Variants in BAZ2B observed in about 807,000 individuals in gnomAD.
The protein encoded by BAZ2B is bromodomain adjacent to zinc finger domain 2B, also known as bromodomain adjacent to zinc finger domain protein 2B.
BAZ2B carries 91 observed loss-of-function variants against 246.0 expected under a neutral mutation model. That is an observed-to-expected ratio of 0.37 (90% CI 0.31 to 0.44). The LOEUF is 0.44. BAZ2B is among the 20% of genes least tolerant of loss of function. The pLI is 1.00. For synonymous variants in BAZ2B, 855 were observed against 860.0 expected, an observed-to-expected ratio of 0.99 and a Z score of 0.10; for missense variants, 2,332 against 2,533.7, an observed-to-expected ratio of 0.92 and a Z score of 1.71.
intron 26 of BAZ2B, among the ~76,000 whole-genome samples, chr2:159,374,033 T>C (rs565519114): frequency 1.4e-4 from 21 of 151,876 alleles, no homozygotes; most frequent in African/African-American, 4.8e-4. Context: ...TCATCTTAAA[T>C]TTCACTAATG....
At chr2:159,574,649 CAA>C (rs1684857473) in intron 1 of BAZ2B, among the ~76,000 whole-genome samples, 1 of 151,992 alleles carries the variant, frequency 6.6e-6, no homozygotes, top group African/African-American at 2.4e-5. Context: ...AATGGATAAA[CAA>C]AATATGACAC....
intron 1 of BAZ2B, among the ~76,000 whole-genome samples, chr2:159,564,034 AT>A (rs1260807174): frequency 6.6e-6 from 1 of 152,256 alleles, no homozygotes; most frequent in Non-Finnish European, 1.5e-5. Context: ...TAGAATTTAC[AT>A]TTTAGCAGTA....
intron 3 of BAZ2B, among the ~76,000 whole-genome samples, chr2:159,476,866 C>T (rs530737803): frequency 6.6e-6 from 1 of 152,126 alleles, no homozygotes; most frequent in Non-Finnish European, 1.5e-5. Flanking sequence ...ATCATAGCAT[C>T]GCTATTTTTG....
intron 27 of BAZ2B, among the ~76,000 whole-genome samples, chr2:159,356,085 C>T (rs1026497422): frequency 6.6e-6 from 1 of 152,192 alleles, no homozygotes; most frequent in Non-Finnish European, 1.5e-5. Flanking sequence ...ACTGAGCTAG[C>T]TGCAAGAGTT....
the BAZ2B span, among the ~76,000 whole-genome samples, chr2:159,703,513 C>T: frequency 4.6e-5 from 7 of 151,972 alleles, no homozygotes; most frequent in African/African-American, 1.5e-4. Context: ...AGCTTTCCCA[C>T]AAATGTAGTC....
At chr2:159,503,818 T>C (rs985865532) in intron 2 of BAZ2B, among the ~76,000 whole-genome samples, 2 of 152,116 alleles carry the variant, frequency 1.3e-5, no homozygotes, top group Non-Finnish European at 2.9e-5. Context: ...TGACCTCAGG[T>C]AATCCACCTG....
intron 2 of BAZ2B, among the ~76,000 whole-genome samples, chr2:159,548,104 C>T (rs371375551): frequency 9.9e-5 from 15 of 152,238 alleles, no homozygotes; most frequent in African/African-American, 3.6e-4. Context: ...CATGAAGTAA[C>T]TGAAATGGCT....
chr2:159,326,576 A>T (rs1206075381), intron 34 of BAZ2B, among the ~76,000 whole-genome samples: 1 of 152,212 alleles, frequency 6.6e-6, no homozygotes, highest in African/African-American at 2.4e-5. Context: ...GACATAAAGG[A>T]CATTATACTT....
rs758994531 is a variant in BAZ2B at position 159,357,026 on chromosome 2, C to A, written c.4214-6669G>T. Among the ~76,000 whole-genome samples, 4 of 152,186 alleles carry A rather than the reference C, an allele frequency of 2.6e-5. No homozygotes were observed. The Middle Eastern group carries it at 0.01, about 388-fold the overall frequency. The stretch of plus-strand genomic sequence containing the variant: ...ATCCATGAAGATGAAGAAAAACGAA[C>A]GCAAAAAGGCTAAAAATTCCCAAAA... On this transcript the variant is annotated intron_variant, in intron 27 of 36. Transcript: ENST00000392783.
At chr2:159,667,664 T>C in the BAZ2B span, among the ~76,000 whole-genome samples, 439 of 151,972 alleles carry the variant, frequency 2.9e-3, 1 homozygote, top group Non-Finnish European at 4.8e-3. Context: ...ATTCCCTCAC[T>C]AAATTACCTT....
intron 33 of BAZ2B, among the ~76,000 whole-genome samples, chr2:159,335,948 G>T (rs1465438176): frequency 6.6e-6 from 1 of 152,160 alleles, no homozygotes; most frequent in Non-Finnish European, 1.5e-5. Context: ...ATCACCTGAG[G>T]TCAAGAGTTT....
intron 2 of BAZ2B, among the ~76,000 whole-genome samples, chr2:159,485,528 T>G (rs1164009988): frequency 6.6e-6 from 1 of 152,112 alleles, no homozygotes; most frequent in African/African-American, 2.4e-5. Flanking sequence ...ATTTATTACA[T>G]CCTCAAACAG....
In BAZ2B at chr2:159,349,746, G is replaced by T. The variant is rs1442639807; in HGVS notation, c.4825C>A (p.Pro1609Thr). The T allele has an allele frequency of 6.2e-7, 1 of 1,614,036 alleles. No homozygotes were observed. Among genetic ancestry groups the T allele is most frequent in the South Asian group, 1.1e-5 (1 of 91,070 alleles). ...PAPLGSSAQN[P>T]VGLNPFALSP... ...AAAGCAAATGGATTTAAGCCAACAG[G>T]ATTCTGAGCAGAAGATCCAAGAGGA... Residue 1609 changes from proline (P) to threonine (T), a missense_variant, in exon 28 of 37, where the codon CCT becomes ACT. Physicochemically the swap from Pro to Thr is conservative, Grantham distance 38. Coordinates refer to ENST00000392783, the MANE Select transcript of BAZ2B (RefSeq NM_013450.4).
At chr2:159,636,732 T>C in the BAZ2B span, among the ~76,000 whole-genome samples, 4 of 152,164 alleles carry the variant, frequency 2.6e-5, no homozygotes, top group Non-Finnish European at 2.9e-5. Context: ...GGAGTGCTTA[T>C]GCCATCCCTC....
At chr2:159,485,333 A>G (rs1991184) in intron 2 of BAZ2B, among the ~76,000 whole-genome samples, 15 of 152,188 alleles carry the variant, frequency 9.9e-5, no homozygotes, top group Admixed American at 9.2e-4. Context: ...ACAGCAGACA[A>G]AATTATTCTT....
intron 1 of BAZ2B, among the ~76,000 whole-genome samples, chr2:159,575,669 T>A (rs1030700511): frequency 6.6e-6 from 1 of 152,112 alleles, no homozygotes; most frequent in African/African-American, 2.4e-5. Flanking sequence ...CTTCTAAAAT[T>A]TGAAGAGTCA....
At chr2:159,389,028 G>A (rs2062985021) in intron 21 of BAZ2B, among the ~76,000 whole-genome samples, 1 of 152,120 alleles carries the variant, frequency 6.6e-6, no homozygotes. Flanking sequence ...TGAGGCTTCA[G>A]TGAGCTATAA....
intron 9 of BAZ2B, among the ~76,000 whole-genome samples, chr2:159,432,434 T>C (rs1049270051): frequency 2.6e-5 from 4 of 152,138 alleles, no homozygotes; most frequent in Admixed American, 1.3e-4. Flanking sequence ...TTTTAACAAG[T>C]AGCAGAAGAA....
At chr2:159,315,490 C>A (rs189085470), downstream of BAZ2B, among the ~76,000 whole-genome samples, 127 of 152,306 alleles carry the variant, frequency 8.3e-4, no homozygotes, top group Admixed American at 1.4e-3. Context: ...TTCTAAGATG[C>A]CTCAGGCACA....
Sources: allele counts gnomAD v4.1 joint callset (sites outside exome capture counted in the v4.1 genomes callset), GRCh38; gene constraint gnomAD v4.1.1; transcripts MANE v1.5; gene names NCBI Gene and HGNC (gene_info 2026-07-23, HGNC 2026-07-21).